The following SPOCK1 variants were observed in gnomAD, a reference collection of about 807,000 sequenced individuals.
The protein encoded by SPOCK1 is testican-1.
A neutral mutation model predicts 55.3 loss-of-function variants in SPOCK1; 23 were observed. The observed-to-expected ratio is 0.42, with a 90% CI of 0.30 to 0.59. The LOEUF (loss-of-function observed/expected upper bound fraction) is 0.59, where lower values mean the gene tolerates loss of function less well. Ranked by LOEUF, SPOCK1 falls within the 20% of genes least tolerant of loss-of-function variation. The pLI is 0.22. For missense variants in SPOCK1, 499 were observed against 552.5 expected (o/e 0.90, Z 0.97); for synonymous variants, 226 against 221.0 (o/e 1.02, Z -0.20).
intron 2 of SPOCK1, among the ~76,000 whole-genome samples, chr5:137,470,807 T>C (rs1367645577): frequency 6.6e-6 from 1 of 152,112 alleles, no homozygotes; most frequent in Non-Finnish European, 1.5e-5. Flanking sequence ...AAAGGGAGAA[T>C]CTGTCTGGAG....
chr5:137,006,414 C>G (rs925786033), intron 6 of SPOCK1, among the ~76,000 whole-genome samples: 2 of 152,118 alleles, frequency 1.3e-5, no homozygotes, highest in African/African-American at 4.8e-5. Flanking sequence ...TTGAAGAGAT[C>G]CTTCACATCC....
chr5:137,313,572 T>C, intron 2 of SPOCK1: 4 of 747,766 alleles, frequency 5.3e-6, no homozygotes, highest in Non-Finnish European at 6.5e-6. Context: ...CCTCTTAAAA[T>C]GAACCTGACC....
At chr5:137,063,162 A>G (rs1028054745) in intron 6 of SPOCK1, among the ~76,000 whole-genome samples, 2 of 148,454 alleles carry the variant, frequency 1.3e-5, no homozygotes, top group Non-Finnish European at 1.5e-5. Flanking sequence ...GAACCCGGGA[A>G]GCGGAGCTTG....
chr5:137,257,830 G>A (rs2961625), intron 3 of SPOCK1, among the ~76,000 whole-genome samples: 10,253 of 152,194 alleles, frequency 0.067, 1,056 homozygotes, highest in African/African-American at 0.23. Flanking sequence ...GCCAGCTTCT[G>A]TCAGGGCACC....
At chr5:137,440,663 G>T (rs1752981742) in intron 2 of SPOCK1, among the ~76,000 whole-genome samples, 1 of 152,242 alleles carries the variant, frequency 6.6e-6, no homozygotes, top group Non-Finnish European at 1.5e-5. Flanking sequence ...ATGGTGAAGT[G>T]TTGATATAAA....
intron 2 of SPOCK1, among the ~76,000 whole-genome samples, chr5:137,453,519 T>C (rs1312388890): frequency 2.0e-5 from 3 of 152,162 alleles, no homozygotes. Flanking sequence ...TTTGGCTCAA[T>C]CTAGTGAAAC....
intron 2 of SPOCK1, among the ~76,000 whole-genome samples, chr5:137,335,252 G>A (rs1366393842): frequency 6.6e-6 from 1 of 152,150 alleles, no homozygotes; most frequent in Non-Finnish European, 1.5e-5. Flanking sequence ...TTAATGATAT[G>A]GGGAAATACA....
At chr5:137,086,506 C>T (rs1209816452) in intron 5 of SPOCK1, among the ~76,000 whole-genome samples, 4 of 152,144 alleles carry the variant, frequency 2.6e-5, no homozygotes, top group African/African-American at 9.7e-5. Flanking sequence ...CAAAATCATC[C>T]TCTAGGAGGC....
At position 137,356,871 on chromosome 5, in the gene SPOCK1, A is replaced by AGT. The variant is rs1561513933; in HGVS notation, c.187-89817_187-89816insAC. Among the ~76,000 whole-genome samples the AGT allele has an allele frequency of 4.4e-4, 56 of 127,492 alleles. 2 individuals are homozygous for AGT. Among genetic ancestry groups the AGT allele is most frequent in the African/African-American group, 1.6e-3 (54 of 33,194 alleles). The allele number at this position is 127,492 out of a possible 152,430, so 83.6% of individuals were successfully genotyped here. ...GAGAGAGAGAGAGAGAGAGAGAGAG[A>AGT]GAGAGTATGCAGACCAACCAGGGGG... On this transcript the variant is annotated intron_variant, in intron 2 of 10. Transcript: ENST00000394945.
intron 2 of SPOCK1, among the ~76,000 whole-genome samples, chr5:137,272,793 TACTC>T (rs1380421300): frequency 7.7e-6 from 1 of 129,852 alleles, no homozygotes; most frequent in African/African-American, 3.0e-5. Context: ...GGATGGGTCT[TACTC>T]ACCTGCACAT....
At chr5:137,454,487 A>G (rs1320377042) in intron 2 of SPOCK1, among the ~76,000 whole-genome samples, 1 of 152,160 alleles carries the variant, frequency 6.6e-6, no homozygotes, top group Non-Finnish European at 1.5e-5. Flanking sequence ...ATAAATCCAT[A>G]CAAGTCCCTC....
chr5:137,302,066 C>A (rs1227026089), intron 2 of SPOCK1, among the ~76,000 whole-genome samples: 3 of 152,132 alleles, frequency 2.0e-5, no homozygotes, highest in Non-Finnish European at 4.4e-5. Context: ...GAACTTACTG[C>A]CAAATAATAT....
intron 2 of SPOCK1, among the ~76,000 whole-genome samples, chr5:137,293,699 G>C (rs1757419414): frequency 6.6e-6 from 1 of 152,232 alleles, no homozygotes; most frequent in Non-Finnish European, 1.5e-5. Context: ...GACACTTGCT[G>C]TAGGGCAGCG....
At chr5:137,410,898 C>T (rs1186397190) in intron 2 of SPOCK1, among the ~76,000 whole-genome samples, 1 of 152,178 alleles carries the variant, frequency 6.6e-6, no homozygotes, top group Non-Finnish European at 1.5e-5. Flanking sequence ...GCAGAAATAC[C>T]ACCTTGAGAA....
At chr5:137,121,060 C>T (rs551348230) in intron 4 of SPOCK1, among the ~76,000 whole-genome samples, 20 of 152,252 alleles carry the variant, frequency 1.3e-4, no homozygotes, top group African/African-American at 4.3e-4. Flanking sequence ...TATAAACATT[C>T]CAAATGTGTT....
At chr5:137,025,739 A>G (rs1423684546) in intron 6 of SPOCK1, among the ~76,000 whole-genome samples, 3 of 152,228 alleles carry the variant, frequency 2.0e-5, no homozygotes, top group Admixed American at 2.0e-4. Context: ...GAAAAGTGAT[A>G]CAAAGGGTAC....
Position 137,432,887 on chromosome 5 carries a change from T to C in SPOCK1, c.186+65486A>G, listed in dbSNP as rs1313546306. 2.0e-5 allele frequency among the ~76,000 whole-genome samples: 3 copies of C among 152,190 alleles called. No individual in the cohort carries two copies. The East Asian group carries it at 5.8e-4, about 29-fold the overall frequency. On this transcript the variant is annotated intron_variant, in intron 2 of 10. Coordinates refer to ENST00000394945, the MANE Select transcript of SPOCK1 (RefSeq NM_004598.4). Reference sequence around the variant, plus strand: ...TTGTCAGACAATACCACTGGCTGGGTACAACCCTGGGTCAAATGCTGAAAT... The same window carrying C: ...TTGTCAGACAATACCACTGGCTGGGCACAACCCTGGGTCAAATGCTGAAAT...
chr5:137,416,533 C>T (rs1412621005), intron 2 of SPOCK1, among the ~76,000 whole-genome samples: 1 of 152,048 alleles, frequency 6.6e-6, no homozygotes, highest in African/African-American at 2.4e-5. Flanking sequence ...ATATAATCCT[C>T]CTCAAAAATA....
chr5:136,998,206 A>C (rs987512921), intron 6 of SPOCK1, among the ~76,000 whole-genome samples: 1 of 152,168 alleles, frequency 6.6e-6, no homozygotes, highest in Non-Finnish European at 1.5e-5. Flanking sequence ...GATGCTTGTG[A>C]TATAAAGAAT....
Sources: allele counts gnomAD v4.1 joint callset (sites outside exome capture counted in the v4.1 genomes callset), GRCh38; gene constraint gnomAD v4.1.1; transcripts MANE v1.5; gene names NCBI Gene and HGNC (gene_info 2026-07-23, HGNC 2026-07-21).